MAGEA1: variants seen among roughly 807,000 people sequenced by gnomAD.
The protein encoded by MAGEA1 is melanoma-associated antigen 1.
For missense variants in MAGEA1, 182 were observed against 233.7 expected (o/e 0.78, Z 1.44); for synonymous variants, 101 against 96.7 (o/e 1.04, Z -0.26).
intron 1 of MAGEA1, among the ~76,000 whole-genome samples, chrX:153,181,170 G>A (rs112107752): frequency 0.033 from 3,686 of 111,245 alleles, 70 homozygotes; most frequent in Non-Finnish European, 0.054. Flanking sequence ...AAGGCTATTG[G>A]AATCCTCACC....
rs782712596 is a variant in MAGEA1 at position 153,183,334 on chromosome X, C to T, written c.*15C>T. ...AGGGAGTCTGAGCATGAGTTGCAGCCAAGGCCAGTGGGAGGGGGACTGGGC... is the reference window on the plus strand; with the variant it reads ...AGGGAGTCTGAGCATGAGTTGCAGCTAAGGCCAGTGGGAGGGGGACTGGGC... On this transcript the variant is annotated 3_prime_UTR_variant, in exon 3 of 3. Transcript: ENST00000356661. 4 of 1,194,257 alleles carry T rather than the reference C, an allele frequency of 3.3e-6. No individual in the cohort carries two copies. The Admixed American group carries it at 8.8e-5, about 26-fold the overall frequency.
chrX:153,181,883 G>A (rs1298397254), intron 1 of MAGEA1, among the ~76,000 whole-genome samples: 2 of 111,640 alleles, frequency 1.8e-5, no homozygotes, highest in African/African-American at 3.3e-5. Context: ...GCACTGAGAA[G>A]CCAGGGCTGT....
At position 153,183,058 on chromosome X, in the gene MAGEA1, G is replaced by A. The variant is rs2051505306; in HGVS notation, c.669G>A (p.Val223=). The A allele has an allele frequency of 3.3e-6, 4 of 1,210,190 alleles. No individual in the cohort carries two copies. Among genetic ancestry groups the A allele is most frequent in the Non-Finnish European group, 4.5e-6 (4 of 895,235 alleles). ...EIWEELSVME[V]YDGREHSAYG... ...GGGAGGAGCTGAGTGTGATGGAGGTGTATGATGGGAGGGAGCACAGTGCCT... is the reference window on the plus strand; with the variant it reads ...GGGAGGAGCTGAGTGTGATGGAGGTATATGATGGGAGGGAGCACAGTGCCT... Residue 223 remains valine (V), a synonymous_variant, in exon 3 of 3, where the codon GTG becomes GTA. Transcript: ENST00000356661.
rs1602752101 is a variant in MAGEA1 at position 153,183,450 on chromosome X, C to T, written c.*131C>T. 1.7e-6 allele frequency: 1 copy of T among 605,040 alleles called. No individual in the cohort carries two copies. Among genetic ancestry groups the T allele is most frequent in the Non-Finnish European group, 2.6e-6 (1 of 377,463 alleles). 49.9% of individuals were successfully genotyped at this position (605,040 alleles called of 1,213,427 possible). On this transcript the variant is annotated 3_prime_UTR_variant, in exon 3 of 3. Coordinates refer to ENST00000356661, the MANE Select transcript of MAGEA1 (RefSeq NM_004988.5). ...CACTCTGAAGAGAGCGGTCAGTGTT[C>T]TCAGTAGTAGGTTTCTGTTCTATTG...
chrX:153,180,253 A>G (rs144184535), intron 1 of MAGEA1, among the ~76,000 whole-genome samples: 1,743 of 111,381 alleles, frequency 0.016, 36 homozygotes, highest in African/African-American at 0.054. Context: ...AGGGTTGGTC[A>G]GGAGAGGGCA....
chrX:153,180,627 T>G (rs1448360310), intron 1 of MAGEA1, among the ~76,000 whole-genome samples: 1 of 111,261 alleles, frequency 9.0e-6, no homozygotes, highest in Non-Finnish European at 1.9e-5. Context: ...CTGCCACTTC[T>G]GGCCTCAAGA....
rs2051507474 is a variant in MAGEA1 at position 153,183,403 on chromosome X, G to A, written c.*84G>A. 6 of 942,395 alleles carry A rather than the reference G, an allele frequency of 6.4e-6. No homozygotes were observed. The highest frequency in any genetic ancestry group is 2.6e-5 in the Admixed American group (1 of 39,112). The allele number at this position is 942,395 out of a possible 1,213,427, so 77.7% of individuals were successfully genotyped here. A position where few individuals can be genotyped will look rare whatever the true frequency, so the allele number is the denominator to read the frequency against. The stretch of plus-strand genomic sequence containing the variant: ...CGCGTCCAGCAGCTTCCCCTGCCTC[G>A]TGTGACATGAGGCCCATTCTTCACT... On this transcript the variant is annotated 3_prime_UTR_variant, in exon 3 of 3. Transcript: ENST00000356661.
chrX:153,182,295 A>C (rs1174109925), intron 2 of MAGEA1, 30 bp from the exon 3 acceptor site: 2 of 985,936 alleles, frequency 2.0e-6, no homozygotes, highest in East Asian at 6.1e-5. Context: ...TTCTCAGCTG[A>C]GGCCTCTCAC....
Position 153,183,710 on chromosome X carries a change from GC to G in MAGEA1, c.*392del. 6.4e-6 allele frequency: 1 copy of G among 156,903 alleles called. No homozygotes were observed. The highest frequency in any genetic ancestry group is 1.3e-5 in the Non-Finnish European group (1 of 76,520). 12.9% of individuals were successfully genotyped at this position (156,903 alleles called of 1,213,427 possible). Reference sequence around the variant, plus strand: ...AAGTACTTAGAAATGTGAAAAATGAGCAGTAAAATAGATGAGATAAAGAACT... The same window carrying G: ...AAGTACTTAGAAATGTGAAAAATGAGAGTAAAATAGATGAGATAAAGAACT... On this transcript the variant is annotated 3_prime_UTR_variant, in exon 3 of 3. Transcript: ENST00000356661.
rs2051499410 is a variant in MAGEA1 at position 153,182,401 on chromosome X, G to A, written c.12G>A (p.Glu4=). MSL[E]QRSLHCKPEE... ...TGACGAGAGTCATCATGTCTCTTGA[G>A]CAGAGGAGTCTGCACTGCAAGCCTG... The change falls in exon 3 of 3, where the codon GAG becomes GAA. Residue 4 remains glutamate (E), a synonymous_variant. Transcript: ENST00000356661. The A allele has an allele frequency of 8.3e-7, 1 of 1,209,931 alleles. No homozygotes were observed. The highest frequency in any genetic ancestry group is 1.1e-6 in the Non-Finnish European group (1 of 894,176).
In MAGEA1 at chrX:153,183,531, T is replaced by A. The variant is rs1480919017; in HGVS notation, c.*212T>A. 2 of 439,856 alleles carry A rather than the reference T, an allele frequency of 4.5e-6. No individual in the cohort carries two copies. The highest frequency in any genetic ancestry group is 4.9e-5 in the African/African-American group (2 of 40,583). 36.2% of individuals were successfully genotyped at this position (439,856 alleles called of 1,213,427 possible). A position where few individuals can be genotyped will look rare whatever the true frequency, so the allele number is the denominator to read the frequency against. On this transcript the variant is annotated 3_prime_UTR_variant, in exon 3 of 3. Coordinates refer to ENST00000356661, the MANE Select transcript of MAGEA1 (RefSeq NM_004988.5). ...TTGGAATTGTTCAAATGTTTTTTTT[T>A]AAGGGATGGTTGAATGAACTTCAGC...
chrX:153,183,076 C>T lies in MAGEA1; in HGVS notation c.687C>T (p.His229=), dbSNP rs782306135. The part of the protein sequence containing the change: ...SVMEVYDGRE[H]SAYGEPRKLL... The stretch of plus-strand genomic sequence containing the variant: ...TGGAGGTGTATGATGGGAGGGAGCA[C>T]AGTGCCTATGGGGAGCCCAGGAAGC... Residue 229 remains histidine, a synonymous_variant, in exon 3 of 3, where the codon CAC becomes CAT. Transcript: ENST00000356661. 6.6e-6 allele frequency: 8 copies of T among 1,210,193 alleles called. No individual in the cohort carries two copies. Among genetic ancestry groups the T allele is most frequent in the Non-Finnish European group, 8.9e-6 (8 of 895,220 alleles).
Position 153,182,311 on chromosome X carries a change from C to T in MAGEA1, c.-65-14C>T, listed in dbSNP as rs1412387277. On this transcript the variant is annotated splice_polypyrimidine_tract_variant and intron_variant, in intron 2 of 2. Coordinates refer to ENST00000356661, the MANE Select transcript of MAGEA1 (RefSeq NM_004988.5). Reference sequence around the variant, plus strand: ...TCTCAGCTGAGGCCTCTCACACACTCCCTCTCTCCCCAGGCCTGTGGGTCT... The same window carrying T: ...TCTCAGCTGAGGCCTCTCACACACTTCCTCTCTCCCCAGGCCTGTGGGTCT... 2.0e-6 allele frequency: 2 copies of T among 1,020,452 alleles called. No individual in the cohort carries two copies. Among genetic ancestry groups the T allele is most frequent in the Non-Finnish European group, 2.8e-6 (2 of 721,793 alleles). The allele number at this position is 1,020,452 out of a possible 1,213,427, so 84.1% of individuals were successfully genotyped here. A position where few individuals can be genotyped will look rare whatever the true frequency, so the allele number is the denominator to read the frequency against.
At chrX:153,182,106 A>C in intron 1 of MAGEA1, 71 bp from the exon 2 acceptor site, 1 of 442,592 alleles carries the variant, frequency 2.3e-6, no homozygotes, top group Middle Eastern at 6.7e-4. Flanking sequence ...TCACCTCCCT[A>C]CTGTCAGTCC....
intron 1 of MAGEA1, among the ~76,000 whole-genome samples, chrX:153,181,540 C>G (rs2051493513): frequency 9.1e-6 from 1 of 110,314 alleles, no homozygotes; most frequent in Non-Finnish European, 1.9e-5. Context: ...GAAGGCTGCG[C>G]TCAGGTCAGT....
rs2051497757 is a variant in MAGEA1, at chrX:153,182,202, A to C, written c.-113A>C. ...GTTTTCAGGGGACAGGCCAACCCAG[A>C]GGACAGGATTCCCTGGAGGCCACAG... On this transcript the variant is annotated 5_prime_UTR_variant, in exon 2 of 3. Coordinates refer to ENST00000356661, the MANE Select transcript of MAGEA1 (RefSeq NM_004988.5). 1 of 1,002,746 alleles carries C rather than the reference A, an allele frequency of 1.0e-6. No individual in the cohort carries two copies. Among genetic ancestry groups the C allele is most frequent in the Middle Eastern group, 2.6e-4 (1 of 3,810 alleles). 82.6% of individuals were successfully genotyped at this position (1,002,746 alleles called of 1,213,427 possible).
intron 1 of MAGEA1, among the ~76,000 whole-genome samples, chrX:153,179,714 C>T (rs1295940282): frequency 2.0e-5 from 2 of 99,761 alleles, no homozygotes; most frequent in African/African-American, 7.4e-5. Flanking sequence ...CAACCCCCAT[C>T]TCCTCAGCTA....
At chrX:153,180,728 C>G (rs959826276) in intron 1 of MAGEA1, among the ~76,000 whole-genome samples, 5 of 111,751 alleles carry the variant, frequency 4.5e-5, no homozygotes, top group African/African-American at 1.6e-4. Flanking sequence ...CTCAGGGGAC[C>G]TTGGAATCCA....
rs782499740 is a variant in MAGEA1 at position 153,180,699 on chromosome X, G to A, written c.-139+1334G>A. 1.6e-4 allele frequency among the ~76,000 whole-genome samples: 18 copies of A among 111,900 alleles called. No individual in the cohort carries two copies. In the South Asian group the frequency reaches 4.5e-3, roughly 28 times the overall value. On this transcript the variant is annotated intron_variant, in intron 1 of 2. Coordinates refer to ENST00000356661, the MANE Select transcript of MAGEA1 (RefSeq NM_004988.5). ...GGACCCAGGCCTGCAAGGCTTACGC[G>A]GAGGAAGAGGAGGGAGGACTCAGGG...
Sources: gnomAD v4.1 joint callset for allele counts (sites outside exome capture counted in the v4.1 genomes callset) on GRCh38, gnomAD v4.1.1 for gene constraint, MANE v1.5 for transcripts, NCBI Gene and HGNC (gene_info 2026-07-23, HGNC 2026-07-21) for gene names.